The following POU6F2 variants were observed in gnomAD, a reference collection of about 807,000 sequenced individuals.
POU6F2 encodes POU domain, class 6, transcription factor 2.
In POU6F2, 31 loss-of-function variants were observed where a neutral mutation model predicts 71.3. The ratio of observed to expected loss-of-function variants is 0.43; its 90% CI spans 0.33 to 0.59. The LOEUF (loss-of-function observed/expected upper bound fraction) is 0.59, where lower values mean the gene tolerates loss of function less well. Among genes scored for constraint, POU6F2 ranks in the 20% least tolerant of loss-of-function variants. The probability of loss-of-function intolerance (pLI) is 0.04; values close to 1 mark genes in which losing one functional copy is unlikely to be tolerated. For synonymous variants in POU6F2, 347 were observed against 355.7 expected (o/e 0.98, Z 0.27); for missense variants, 783 against 856.8 (o/e 0.91, Z 1.07).
At chr7:39,006,273 G>A (rs1042450509) in intron 1 of POU6F2, among the ~76,000 whole-genome samples, 8 of 152,118 alleles carry the variant, frequency 5.3e-5, no homozygotes, top group African/African-American at 1.9e-4. Context: ...AGGCCAGCCT[G>A]GCCAACATGG....
chr7:39,110,414 C>T (rs951613729), intron 2 of POU6F2, among the ~76,000 whole-genome samples: 3 of 151,992 alleles, frequency 2.0e-5, no homozygotes, highest in Non-Finnish European at 4.4e-5. Context: ...AGGTTACTCA[C>T]ATTTATTGCA....
At chr7:39,336,279 A>G (rs1035651078) in intron 4 of POU6F2, among the ~76,000 whole-genome samples, 11 of 152,208 alleles carry the variant, frequency 7.2e-5, no homozygotes, top group Non-Finnish European at 1.3e-4. Context: ...CCTTAAAAGG[A>G]AACTCACACC....
At chr7:39,038,666 C>A (rs142198203) in intron 1 of POU6F2, among the ~76,000 whole-genome samples, 1 of 152,022 alleles carries the variant, frequency 6.6e-6, no homozygotes, top group Admixed American at 6.6e-5. Context: ...TTAAAAACCT[C>A]TTTAGTAATG....
intron 5 of POU6F2, among the ~76,000 whole-genome samples, chr7:39,346,466 G>C (rs868302029): frequency 1.3e-5 from 2 of 152,324 alleles, no homozygotes; most frequent in South Asian, 4.1e-4. Context: ...TCAAAGAAAA[G>C]AGAACCACTC....
At chr7:39,220,693 C>G (rs1320951588) in intron 4 of POU6F2, among the ~76,000 whole-genome samples, 1 of 151,896 alleles carries the variant, frequency 6.6e-6, no homozygotes, top group Non-Finnish European at 1.5e-5. Context: ...GCTATGTAGC[C>G]TAGACAAGGC....
chr7:39,320,702 A>G (rs1050277829), intron 4 of POU6F2, among the ~76,000 whole-genome samples: 1 of 152,168 alleles, frequency 6.6e-6, no homozygotes, highest in African/African-American at 2.4e-5. Flanking sequence ...GCTTTTTCCT[A>G]TTTATACATA....
chr7:39,148,662 G>A (rs1205465010), intron 2 of POU6F2, among the ~76,000 whole-genome samples: 1 of 152,008 alleles, frequency 6.6e-6, no homozygotes, highest in Non-Finnish European at 1.5e-5. Context: ...TGCTAAATGA[G>A]CTGATGTTCA....
intron 1 of POU6F2, among the ~76,000 whole-genome samples, chr7:39,041,277 A>G (rs188551869): frequency 1.1e-3 from 161 of 152,038 alleles, no homozygotes; most frequent in African/African-American, 3.6e-3. Flanking sequence ...CCAATTTTTC[A>G]CTTCACAAGT....
intron 5 of POU6F2, among the ~76,000 whole-genome samples, chr7:39,368,601 G>A (rs1033942833): frequency 6.6e-6 from 1 of 152,204 alleles, no homozygotes; most frequent in Non-Finnish European, 1.5e-5. Flanking sequence ...GCTTTCTATT[G>A]GAAGAAGATA....
rs916795936 is a variant in POU6F2, at chr7:39,363,845, G to T, written c.972+23830G>T. On this transcript the variant is annotated intron_variant, in intron 5 of 9. Transcript: ENST00000518318. ...ACCTTGACAAGAGCTTCAGTGGAGC[G>T]GGAGCGATGAATTGGAGTGATCAAA... Among the ~76,000 whole-genome samples, 8 of 152,094 alleles carry T rather than the reference G, an allele frequency of 5.3e-5. No homozygotes were observed. The South Asian group carries it at 1.7e-3, about 32-fold the overall frequency.
At chr7:39,182,379 T>C (rs1451187207) in intron 2 of POU6F2, among the ~76,000 whole-genome samples, 1 of 152,234 alleles carries the variant, frequency 6.6e-6, no homozygotes, top group African/African-American at 2.4e-5. Context: ...TTAAACACAT[T>C]GTATACATGT....
intron 5 of POU6F2, among the ~76,000 whole-genome samples, chr7:39,371,736 C>T (rs902490623): frequency 6.6e-6 from 1 of 152,188 alleles, no homozygotes; most frequent in Non-Finnish European, 1.5e-5. Context: ...CTGCCCAACA[C>T]CCACTCAAGG....
chr7:39,084,375 G>T (rs570480533), intron 1 of POU6F2, among the ~76,000 whole-genome samples: 1 of 152,276 alleles, frequency 6.6e-6, no homozygotes, highest in South Asian at 2.1e-4. Context: ...TTTGATGACT[G>T]TGAGATTCAA....
chr7:39,398,723 G>T (rs977029988), intron 5 of POU6F2, among the ~76,000 whole-genome samples: 2 of 152,224 alleles, frequency 1.3e-5, no homozygotes, highest in Non-Finnish European at 2.9e-5. Flanking sequence ...ATCCCAGAGG[G>T]AATGAGGAGG....
At chr7:39,115,501 C>G (rs1162724929) in intron 2 of POU6F2, among the ~76,000 whole-genome samples, 1 of 152,166 alleles carries the variant, frequency 6.6e-6, no homozygotes, top group Non-Finnish European at 1.5e-5. Context: ...GCCTGCTGGT[C>G]TCCTTCACAT....
intron 7 of POU6F2, among the ~76,000 whole-genome samples, chr7:39,451,229 A>C (rs1295356541): frequency 1.3e-5 from 2 of 152,162 alleles, no homozygotes; most frequent in Non-Finnish European, 2.9e-5. Flanking sequence ...GTATGAATAG[A>C]CAGAAAGGTC....
chr7:39,322,397 C>G (rs1785415864), intron 4 of POU6F2, among the ~76,000 whole-genome samples: 1 of 152,232 alleles, frequency 6.6e-6, no homozygotes, highest in African/African-American at 2.4e-5. Context: ...CTCAAACCCT[C>G]TTAATCCATG....
At chr7:39,392,596 G>A (rs568478092) in intron 5 of POU6F2, among the ~76,000 whole-genome samples, 13 of 152,224 alleles carry the variant, frequency 8.5e-5, no homozygotes, top group African/African-American at 3.1e-4. Context: ...AGAGGTTTTC[G>A]TCAGGGAAGG....
At chr7:39,114,668 G>A (rs990642476) in intron 2 of POU6F2, among the ~76,000 whole-genome samples, 3 of 152,048 alleles carry the variant, frequency 2.0e-5, no homozygotes, top group African/African-American at 7.2e-5. Context: ...CATTGGTCAG[G>A]TGCCAAATTA....
Sources: allele counts gnomAD v4.1 joint callset (sites outside exome capture counted in the v4.1 genomes callset), GRCh38; gene constraint gnomAD v4.1.1; transcripts MANE v1.5; gene names NCBI Gene and HGNC (gene_info 2026-07-23, HGNC 2026-07-21).